Variants in ABCD2 observed in about 807,000 individuals in gnomAD.
ABCD2 encodes the protein ATP binding cassette subfamily D member 2.
Under a neutral mutation model 70.9 loss-of-function variants are expected in ABCD2, and 36 were observed. The observed-to-expected ratio is 0.51, with a 90% CI of 0.39 to 0.67. The LOEUF (loss-of-function observed/expected upper bound fraction) is 0.67, where lower values mean the gene tolerates loss of function less well. Ranked by LOEUF, ABCD2 falls within the 30% of genes least tolerant of loss-of-function variation. The pLI is 0.00. For synonymous variants in ABCD2, 304 were observed against 306.9 expected (o/e 0.99, Z 0.10); for missense variants, 729 against 890.2 (o/e 0.82, Z 2.30).
chr12:39,610,925 T>A (rs751649229), intron 2 of ABCD2, among the ~76,000 whole-genome samples: 3 of 152,182 alleles, frequency 2.0e-5, no homozygotes, highest in Non-Finnish European at 4.4e-5. Flanking sequence ...GAGATATAAA[T>A]CCATGACCTA....
At chr12:39,564,783 A>G (rs1349654858) in intron 9 of ABCD2, among the ~76,000 whole-genome samples, 1 of 152,162 alleles carries the variant, frequency 6.6e-6, no homozygotes, top group Non-Finnish European at 1.5e-5. Context: ...TAAGTCTTGA[A>G]TCCATCTTGA....
Position 39,619,215 on chromosome 12 carries a change from C to A in ABCD2, c.401G>T (p.Ser134Ile), listed in dbSNP as rs752466432. Residue 134 changes from serine to isoleucine, a missense_variant, in exon 1 of 10, where the codon AGC becomes ATC. By Grantham distance (142) the Ser-to-Ile change is moderately radical. This residue lies in a region of ABCD2 where 245 missense variants were observed against 261.2 expected (regional missense o/e 0.94). Transcript: ENST00000308666. ...AGTCCGAGGCTTCTTTTCCACAATG[C>A]TTTTCACGATTTTTCCATCCAGACC... The part of the protein sequence containing the change: ...VAGLDGKIVK[S>I]IVEKKPRTFI... The A allele has an allele frequency of 6.2e-7, 1 of 1,614,130 alleles. No homozygotes were observed.
intron 9 of ABCD2, among the ~76,000 whole-genome samples, chr12:39,570,929 C>G (rs1053841481): frequency 3.3e-5 from 5 of 152,052 alleles, no homozygotes; most frequent in African/African-American, 1.2e-4. Context: ...ACAAAATGGA[C>G]AGAAGATCTG....
the ABCD2 span, among the ~76,000 whole-genome samples, chr12:39,534,751 A>AAGAAGGAAG: frequency 1.3e-5 from 1 of 77,038 alleles, no homozygotes; most frequent in African/African-American, 4.8e-5. Flanking sequence ...AAGGAAGGAA[A>AAGAAGGAAG]GAAAGAAAGA....
At chr12:39,609,106 T>G (rs1942011472) in intron 2 of ABCD2, among the ~76,000 whole-genome samples, 1 of 152,240 alleles carries the variant, frequency 6.6e-6, no homozygotes, top group Non-Finnish European at 1.5e-5. Flanking sequence ...TTTTATTCTT[T>G]ATTCCTAGTA....
chr12:39,545,836 G>T (rs1454568607), downstream of ABCD2, among the ~76,000 whole-genome samples: 1 of 152,106 alleles, frequency 6.6e-6, no homozygotes, highest in Non-Finnish European at 1.5e-5. Flanking sequence ...TCCTGGACCT[G>T]TCCACCTGAC....
In ABCD2 at chr12:39,619,373, A is replaced by T. The variant is rs1942162344; in HGVS notation, c.243T>A (p.Asn81Lys). Residue 81 changes from asparagine to lysine, a missense_variant, in exon 1 of 10, where the codon AAT (asparagine) becomes AAA (lysine). By Grantham distance (94) the Asn-to-Lys change is moderately conservative. Around this residue, in one of 3 missense-constraint regions of ABCD2, gnomAD observed 245 missense variants for 261.2 expected, o/e 0.94. Coordinates refer to ENST00000308666, the MANE Select transcript of ABCD2 (RefSeq NM_005164.4). Reference sequence around the variant, plus strand: ...CTAGTAGCTGTTTGAAGAAATCTGCATTCACTCCAGGCGAAGGTTTTTCAC... The same window carrying T: ...CTAGTAGCTGTTTGAAGAAATCTGCTTTCACTCCAGGCGAAGGTTTTTCAC... ...TICEKPSPGV[N>K]ADFFKQLLEL... is the part of the protein sequence containing the mutation. 6 of 1,613,942 alleles carry T rather than the reference A, an allele frequency of 3.7e-6. No homozygotes were observed. The East Asian group carries it at 1.3e-4, about 36-fold the overall frequency.
chr12:39,533,850 C>A, the ABCD2 span, among the ~76,000 whole-genome samples: 1 of 152,140 alleles, frequency 6.6e-6, no homozygotes, highest in Non-Finnish European at 1.5e-5. Flanking sequence ...AAACACAGCC[C>A]ATCTCTAGCC....
intron 2 of ABCD2, among the ~76,000 whole-genome samples, chr12:39,609,087 GAC>G (rs1942011297): frequency 6.6e-6 from 1 of 151,990 alleles, no homozygotes; most frequent in South Asian, 2.1e-4. Flanking sequence ...TGAAGGTCAA[GAC>G]TGTGTGTTTT....
chr12:39,570,920 C>A (rs1429406773), intron 9 of ABCD2, among the ~76,000 whole-genome samples: 2 of 152,044 alleles, frequency 1.3e-5, no homozygotes, highest in Non-Finnish European at 1.5e-5. Flanking sequence ...AACCTGATTA[C>A]AAAATGGACA....
chr12:39,601,667 C>T (rs1358625807), intron 5 of ABCD2, among the ~76,000 whole-genome samples: 3 of 151,918 alleles, frequency 2.0e-5, no homozygotes, highest in Non-Finnish European at 1.5e-5. Context: ...CAGAAATTTA[C>T]AGGATGTCTG....
chr12:39,607,628 T>C lies in ABCD2; in HGVS notation c.1207A>G (p.Ile403Val), dbSNP rs1270361413. 1 of 1,612,686 alleles carries C rather than the reference T, an allele frequency of 6.2e-7. No homozygotes were observed. Among genetic ancestry groups the C allele is most frequent in the Admixed American group, 1.7e-5 (1 of 59,906 alleles). ...TTGTATGAAGACATAATCCTTTCAA[T>C]AGCATCAGCTCCAGAGGCCAGTAAA... ...RNLLASGADA[I>V]ERIMSSYKEV... The change falls in exon 3 of 10, where the codon ATT becomes GTT. Residue 403 changes from isoleucine (I) to valine (V), a missense_variant. Physicochemically the swap from Ile to Val is conservative, Grantham distance 29. Around this residue, in one of 3 missense-constraint regions of ABCD2, gnomAD observed 195 missense variants for 300.2 expected, o/e 0.65. Coordinates refer to ENST00000308666, the MANE Select transcript of ABCD2 (RefSeq NM_005164.4).
intron 2 of ABCD2, among the ~76,000 whole-genome samples, chr12:39,615,231 CACTG>C (rs1465797194): frequency 2.0e-5 from 3 of 151,938 alleles, no homozygotes; most frequent in Non-Finnish European, 4.4e-5. Flanking sequence ...TGTGTCCAAG[CACTG>C]ACTAACAAAA....
intron 8 of ABCD2, among the ~76,000 whole-genome samples, chr12:39,579,137 G>T (rs12314758): frequency 1.1e-3 from 160 of 152,274 alleles, no homozygotes; most frequent in African/African-American, 3.6e-3. Context: ...CAAGGCGGGC[G>T]GATCACCTGA....
the ABCD2 span, among the ~76,000 whole-genome samples, chr12:39,542,362 C>G: frequency 1.3e-5 from 2 of 151,246 alleles, no homozygotes; most frequent in African/African-American, 2.4e-5. Flanking sequence ...ATTCAGGAGG[C>G]TGAGGCAAGA....
chr12:39,553,937 A>AT lies in ABCD2; in HGVS notation c.2197dup (p.Ile733AsnfsTer2). 2 of 1,610,804 alleles carry AT rather than the reference A, an allele frequency of 1.2e-6. No homozygotes were observed. Among genetic ancestry groups the AT allele is most frequent in the Admixed American group, 3.4e-5 (2 of 59,594 alleles). ...TTAAGATGTCTCATCTTCATTTTTA[A>AT]TTGTTTTCAGCACTGAGTCTTCTCC... On this transcript the variant is annotated frameshift_variant, in exon 10 of 10. Transcript: ENST00000308666. LOFTEE classifies it high-confidence loss of function.
At chr12:39,615,283 T>C (rs868504877) in intron 2 of ABCD2, among the ~76,000 whole-genome samples, 2 of 152,014 alleles carry the variant, frequency 1.3e-5, no homozygotes, top group Non-Finnish European at 2.9e-5. Context: ...GTCTCTAATA[T>C]ACATTATATA....
intron 6 of ABCD2, among the ~76,000 whole-genome samples, chr12:39,593,661 C>T (rs1359102562): frequency 6.6e-6 from 1 of 152,124 alleles, no homozygotes; most frequent in African/African-American, 2.4e-5. Flanking sequence ...GCCCTTTCTG[C>T]AGAACTTCTG....
At chr12:39,563,632 C>T (rs564773286) in intron 9 of ABCD2, among the ~76,000 whole-genome samples, 11 of 150,606 alleles carry the variant, frequency 7.3e-5, no homozygotes, top group African/African-American at 2.2e-4. Context: ...GTTCTTTTTT[C>T]TTTTTAATTA....
Sources: allele counts gnomAD v4.1 joint callset (sites outside exome capture counted in the v4.1 genomes callset), GRCh38; gene constraint gnomAD v4.1.1; regional missense constraint gnomAD v4.1.1; transcripts MANE v1.5; gene names NCBI Gene and HGNC (gene_info 2026-07-23, HGNC 2026-07-21).